The following KIF27 variants were observed in gnomAD, a reference collection of about 807,000 sequenced individuals.
KIF27 encodes the protein kinesin-like protein KIF27.
Under a neutral mutation model 141.8 loss-of-function variants are expected in KIF27, and 84 were observed. The observed-to-expected ratio is 0.59, with a 90% CI of 0.50 to 0.71. The LOEUF (loss-of-function observed/expected upper bound fraction) is 0.71, where lower values mean the gene tolerates loss of function less well. Among genes scored for constraint, KIF27 ranks in the 30% least tolerant of loss-of-function variants. The pLI is 0.00. For missense variants in KIF27, 1,306 were observed against 1,628.4 expected (o/e 0.80, Z 3.41); for synonymous variants, 471 against 569.5 (o/e 0.83, Z 2.46).
At position 83,899,756 on chromosome 9, in the gene KIF27, C is replaced by T. The variant is rs746994795; in HGVS notation, c.1507G>A (p.Val503Met). ...TGCACTTGATTCTTCAGTTCCTTCA[C>T]CTCCAGTTCCTTCTGATTAAATACT... ...EVVFNQKELEVKELKNQVQMM... is the reference protein window; with the variant it reads ...EVVFNQKELEMKELKNQVQMM... The change falls in exon 5 of 18, where the codon GTG becomes ATG. Residue 503 changes from valine (V) to methionine (M), a missense_variant. Val to Met is a conservative substitution (Grantham distance 21). Around this residue, in one of 4 missense-constraint regions of KIF27, gnomAD observed 29 missense variants for 60.3 expected, o/e 0.48. Transcript: ENST00000297814. The T allele has an allele frequency of 2.5e-6, 4 of 1,613,544 alleles. No individual in the cohort carries two copies. Among genetic ancestry groups the T allele is most frequent in the Non-Finnish European group, 3.4e-6 (4 of 1,179,630 alleles).
intron 16 of KIF27, chr9:83,847,618 G>C (rs917362293): frequency 1.3e-5 from 2 of 152,272 alleles, no homozygotes; most frequent in Non-Finnish European, 2.9e-5. Context: ...TTGATCCTGG[G>C]TGTGTCTGTG....
At chr9:83,909,212 C>T (rs1954888733) in intron 2 of KIF27, among the ~76,000 whole-genome samples, 1 of 152,034 alleles carries the variant, frequency 6.6e-6, no homozygotes, top group Non-Finnish European at 1.5e-5. Flanking sequence ...AAAAAAAATA[C>T]GGCAGGGTAG....
chr9:83,875,167 A>G (rs752706141), intron 11 of KIF27, among the ~76,000 whole-genome samples: 1 of 152,216 alleles, frequency 6.6e-6, no homozygotes, highest in African/African-American at 2.4e-5. Context: ...CACATTGGAA[A>G]AAGAGCTAAA....
intron 5 of KIF27, among the ~76,000 whole-genome samples, chr9:83,895,991 A>G (rs1455466618): frequency 6.9e-6 from 1 of 144,524 alleles, no homozygotes; most frequent in Non-Finnish European, 1.5e-5. Flanking sequence ...GGCAGAGGTT[A>G]CAGTGAGCCG....
intron 2 of KIF27, among the ~76,000 whole-genome samples, chr9:83,911,656 G>A (rs911225926): frequency 3.0e-4 from 46 of 151,958 alleles, no homozygotes; most frequent in Admixed American, 7.2e-4. Flanking sequence ...TGATTCTCCC[G>A]CCTCAGCCTC....
At chr9:83,841,322 T>TG (rs1304869788) in intron 17 of KIF27, among the ~76,000 whole-genome samples, 1 of 152,186 alleles carries the variant, frequency 6.6e-6, no homozygotes, top group African/African-American at 2.4e-5. Flanking sequence ...CCACCCGCCT[T>TG]GGCCTCCCAA....
At chr9:83,869,740 T>C (rs1373438111) in intron 12 of KIF27, among the ~76,000 whole-genome samples, 2 of 151,908 alleles carry the variant, frequency 1.3e-5, no homozygotes, top group Non-Finnish European at 1.5e-5. Flanking sequence ...AAAAATAAAA[T>C]ATACTCGTCT....
intron 4 of KIF27, among the ~76,000 whole-genome samples, chr9:83,901,509 A>G (rs1035238325): frequency 6.6e-6 from 1 of 152,252 alleles, no homozygotes; most frequent in African/African-American, 2.4e-5. Flanking sequence ...AAGAAAATCC[A>G]ACTGCCTGTT....
At chr9:83,918,326 G>GGC (rs1955906180) in intron 1 of KIF27, among the ~76,000 whole-genome samples, 1 of 144,608 alleles carries the variant, frequency 6.9e-6, no homozygotes, top group South Asian at 2.3e-4. Context: ...AGAGAAATGG[G>GGC]GGGGGGGCAG....
chr9:83,872,231 G>A lies in KIF27; in HGVS notation c.2644-1599C>T, dbSNP rs374183981. ...CTCAGGAGGCTGAGGCACGAGAATC[G>A]CTTGAACTTGAGAGGCAGAGTACGG... On this transcript the variant is annotated intron_variant, in intron 11 of 17. Coordinates refer to ENST00000297814, the MANE Select transcript of KIF27 (RefSeq NM_017576.4). 2.0e-5 allele frequency among the ~76,000 whole-genome samples: 3 copies of A among 152,174 alleles called. No homozygotes were observed. In the East Asian group the frequency reaches 5.9e-4, roughly 30 times the overall value.
intron 17 of KIF27, among the ~76,000 whole-genome samples, chr9:83,841,918 G>C (rs1946617658): frequency 2.6e-5 from 4 of 151,906 alleles, no homozygotes; most frequent in Admixed American, 2.6e-4. Flanking sequence ...TAATCAGAAG[G>C]CTTAATTTAC....
In KIF27 at chr9:83,842,306, G is replaced by T. The variant is rs376993923; in HGVS notation, c.3652C>A (p.Arg1218=). ...TCCTTAAGTTTCTTCTTATGATCCC[G>T]GCTGGTTTTCTTATAGAAATAAAGA... ...KDLYFYKKTS[R]DHKKKLKELV... The change falls in exon 17 of 18, where the codon CGG becomes AGG. Residue 1218 remains arginine (R), a synonymous_variant. Transcript: ENST00000297814. 30 of 1,564,408 alleles carry T rather than the reference G, an allele frequency of 1.9e-5. No homozygotes were observed. The South Asian group carries it at 3.3e-4, about 17-fold the overall frequency.
At chr9:83,897,835 A>G (rs1160273033) in intron 5 of KIF27, among the ~76,000 whole-genome samples, 1 of 152,192 alleles carries the variant, frequency 6.6e-6, no homozygotes, top group East Asian at 1.9e-4. Flanking sequence ...ATAGCCAAAA[A>G]CATATGAAAA....
At chr9:83,870,149 A>C (rs1169998841) in intron 12 of KIF27, among the ~76,000 whole-genome samples, 5 of 151,842 alleles carry the variant, frequency 3.3e-5, no homozygotes, top group Non-Finnish European at 7.4e-5. Context: ...CTCTCTATCT[A>C]TCTATCTATC....
At chr9:83,905,124 T>TA in intron 3 of KIF27, among the ~76,000 whole-genome samples, 1 of 151,796 alleles carries the variant, frequency 6.6e-6, no homozygotes. Flanking sequence ...AATATTTCTT[T>TA]TTTTTTTTTT....
At chr9:83,845,296 A>ACTG in intron 16 of KIF27, among the ~76,000 whole-genome samples, 1 of 152,190 alleles carries the variant, frequency 6.6e-6, no homozygotes, top group South Asian at 2.1e-4. Context: ...TGCGACCTGA[A>ACTG]CTGCCTATCA....
intron 14 of KIF27, among the ~76,000 whole-genome samples, chr9:83,856,155 T>A (rs1461907748): frequency 6.6e-6 from 1 of 152,100 alleles, no homozygotes; most frequent in Non-Finnish European, 1.5e-5. Flanking sequence ...TCACTAGAAT[T>A]CAGATTCTGA....
At chr9:83,848,070 G>GATATATCATATATATGATATATATGAT (rs10622451) in intron 16 of KIF27, among the ~76,000 whole-genome samples, 1 of 43,240 alleles carries the variant, frequency 2.3e-5, no homozygotes, top group African/African-American at 1.7e-4. Context: ...TCATATATAT[G>GATATATCATATATATGATATATATGAT]ATATATGATA....
rs767566638 is a variant in KIF27 at position 83,859,284 on chromosome 9, T to C, written c.3022A>G (p.Ser1008Gly). Reference sequence around the variant, plus strand: ...ATCTTTGTTTTCTCCTCAGCTGTACTGGTCTGGAGCTGCACATTCTTTTCA... The same window carrying C: ...ATCTTTGTTTTCTCCTCAGCTGTACCGGTCTGGAGCTGCACATTCTTTTCA... The part of the protein sequence containing the change: ...LSEKNVQLQT[S>G]TAEEKTKISE... The change falls in exon 14 of 18, where the codon AGT (serine) becomes GGT (glycine). Residue 1008 changes from serine (S) to glycine (G), a missense_variant. Coordinates refer to ENST00000297814, the MANE Select transcript of KIF27 (RefSeq NM_017576.4). The C allele has an allele frequency of 1.9e-6, 3 of 1,613,982 alleles. No individual in the cohort carries two copies. The highest frequency in any genetic ancestry group is 1.7e-6 in the Non-Finnish European group (2 of 1,179,956).
Sources: allele counts gnomAD v4.1 joint callset (sites outside exome capture counted in the v4.1 genomes callset), GRCh38; gene constraint gnomAD v4.1.1; regional missense constraint gnomAD v4.1.1; transcripts MANE v1.5; gene names NCBI Gene and HGNC (gene_info 2026-07-23, HGNC 2026-07-21).